The following CACNA2D4 variants were observed in gnomAD, a reference collection of about 807,000 sequenced individuals.
The protein encoded by CACNA2D4 is calcium voltage-gated channel auxiliary subunit alpha2delta 4.
Under a neutral mutation model 163.8 loss-of-function variants are expected in CACNA2D4, and 157 were observed. The ratio of observed to expected loss-of-function variants is 0.96; its 90% CI spans 0.84 to 1.09. The LOEUF (loss-of-function observed/expected upper bound fraction) is 1.09, where lower values mean the gene tolerates loss of function less well. Among genes scored for constraint, CACNA2D4 ranks in the 50% least tolerant of loss-of-function variants. CACNA2D4 has a pLI of 0.00. For missense variants in CACNA2D4, 1,410 were observed against 1,479.9 expected (o/e 0.95, Z 0.78); for synonymous variants, 598 against 586.9 (o/e 1.02, Z -0.27).
At chr12:1,908,239 G>T (rs1592749847) in intron 4 of CACNA2D4, among the ~76,000 whole-genome samples, 1 of 152,260 alleles carries the variant, frequency 6.6e-6, no homozygotes, top group Non-Finnish European at 1.5e-5. Context: ...GCGCGGAGAG[G>T]CGTGAGGCCG....
intron 18 of CACNA2D4, among the ~76,000 whole-genome samples, chr12:1,865,097 G>A (rs1865615258): frequency 6.6e-6 from 1 of 152,200 alleles, no homozygotes; most frequent in Non-Finnish European, 1.5e-5. Flanking sequence ...CCGGCAGGCA[G>A]GCCCCGTGGG....
intron 8 of CACNA2D4, 62 bp from the exon 9 acceptor site, chr12:1,886,101 C>G: frequency 6.5e-7 from 1 of 1,547,824 alleles, no homozygotes; most frequent in South Asian, 1.1e-5. Flanking sequence ...GTTGCAAAGT[C>G]CAGGCCCAGC....
chr12:1,792,425 G>A lies in CACNA2D4; in HGVS notation c.*1230C>T, dbSNP rs1863001753. 6.6e-6 allele frequency: 1 copy of A among 151,068 alleles called. No individual in the cohort carries two copies. The highest frequency in any genetic ancestry group is 1.5e-5 in the Non-Finnish European group (1 of 67,690). 9.4% of individuals were successfully genotyped at this position (151,068 alleles called of 1,614,324 possible). On this transcript the variant is annotated 3_prime_UTR_variant, in exon 38 of 38. Coordinates refer to ENST00000382722, the MANE Select transcript of CACNA2D4 (RefSeq NM_172364.5). ...AACAGCTTTGAACTTGAACTTTGAAGTGTGGAGGCTGAGGGTGATGGAGGA... is the reference window on the plus strand; with the variant it reads ...AACAGCTTTGAACTTGAACTTTGAAATGTGGAGGCTGAGGGTGATGGAGGA...
intron 18 of CACNA2D4, among the ~76,000 whole-genome samples, chr12:1,867,716 G>A (rs189317369): frequency 1.8e-3 from 271 of 147,822 alleles, no homozygotes; most frequent in Non-Finnish European, 3.3e-3. Context: ...TATAATATCC[G>A]AAATATATAA....
Position 1,907,585 on chromosome 12 carries a change from CTA to C in CACNA2D4, c.650-16_650-15del, listed in dbSNP as rs1375809185. The C allele has an allele frequency of 4.3e-6, 7 of 1,609,424 alleles. No individual in the cohort carries two copies. The highest frequency in any genetic ancestry group is 5.9e-6 in the Non-Finnish European group (7 of 1,176,888). ...AAATATCTGGGTCTGAAGGGTGAGA[CTA>C]TAGATTATGATCCTGTAGAACTTCT... is the stretch of plus-strand genomic sequence containing the variant. On this transcript the variant is annotated splice_polypyrimidine_tract_variant and intron_variant, in intron 5 of 37. Coordinates refer to ENST00000382722, the MANE Select transcript of CACNA2D4 (RefSeq NM_172364.5).
intron 6 of CACNA2D4, among the ~76,000 whole-genome samples, chr12:1,904,607 G>A (rs1246850282): frequency 6.6e-6 from 1 of 152,016 alleles, no homozygotes; most frequent in Non-Finnish European, 1.5e-5. Flanking sequence ...CAACCAAAGT[G>A]GGTAGATAAG....
chr12:1,838,667 C>G, intron 26 of CACNA2D4, among the ~76,000 whole-genome samples: 1 of 152,196 alleles, frequency 6.6e-6, no homozygotes, highest in Non-Finnish European at 1.5e-5. Context: ...CCTCTCGGCT[C>G]TAATTCAGCT....
chr12:1,855,500 A>C (rs1313096777), intron 22 of CACNA2D4, among the ~76,000 whole-genome samples: 2 of 152,200 alleles, frequency 1.3e-5, no homozygotes, highest in Non-Finnish European at 2.9e-5. Context: ...CACAGCTGCA[A>C]GACAAGGAGC....
In CACNA2D4 at chr12:1,883,109, T is replaced by G; in HGVS notation, c.1352-109A>C. ...AGATGGCTCATAGCCGAATACTCTCTGGAAACTGGACCGGGGCACAGGGAG... is the reference window on the plus strand; with the variant it reads ...AGATGGCTCATAGCCGAATACTCTCGGGAAACTGGACCGGGGCACAGGGAG... On this transcript the variant is annotated intron_variant, in intron 12 of 37. Transcript: ENST00000382722. This position sits in a 1 kb window ranked among gnomAD's most constrained non-coding sequence, Gnocchi z 4.5. The G allele has an allele frequency of 3.2e-6, 4 of 1,250,286 alleles. No individual in the cohort carries two copies. The highest frequency in any genetic ancestry group is 4.4e-6 in the Non-Finnish European group (4 of 907,370). 77.4% of individuals were successfully genotyped at this position (1,250,286 alleles called of 1,614,324 possible).
intron 32 of CACNA2D4, 119 bp from the exon 33 acceptor site, chr12:1,800,171 C>T: frequency 9.1e-7 from 1 of 1,102,030 alleles, no homozygotes; most frequent in Non-Finnish European, 1.3e-6. Flanking sequence ...ACACCCTCTT[C>T]CCTGCTTGAG....
rs1233025220 is a variant in CACNA2D4 at position 1,829,313 on chromosome 12, A to G, written c.2551+11426T>C. On this transcript the variant is annotated intron_variant, in intron 26 of 37. Coordinates refer to ENST00000382722, the MANE Select transcript of CACNA2D4 (RefSeq NM_172364.5). The surrounding 1 kb of genome is among the most constrained non-coding windows in gnomAD (Gnocchi z 4.2). ...GGATTTTATTTCCTGGGGAAAGTCA[A>G]GTCTGAAGAATGCTGATTTTCAAAT... 6.6e-6 allele frequency among the ~76,000 whole-genome samples: 1 copy of G among 152,156 alleles called. No homozygotes were observed. The highest frequency in any genetic ancestry group is 1.9e-4 in the East Asian group (1 of 5,172).
chr12:1,852,853 G>A (rs983005082), intron 23 of CACNA2D4, among the ~76,000 whole-genome samples: 4 of 152,122 alleles, frequency 2.6e-5, no homozygotes, highest in Admixed American at 2.0e-4. Context: ...CTTTCGAGGC[G>A]TATGACCTCA....
chr12:1,840,581 T>A (rs1003302348), intron 26 of CACNA2D4, among the ~76,000 whole-genome samples, 158 bp downstream of exon 26: 6 of 152,368 alleles, frequency 3.9e-5, no homozygotes, highest in African/African-American at 1.4e-4. Flanking sequence ...GTTTTACAAA[T>A]GAAATGGCTT....
At chr12:1,870,395 C>A (rs1865744220) in intron 18 of CACNA2D4, among the ~76,000 whole-genome samples, 1 of 151,872 alleles carries the variant, frequency 6.6e-6, no homozygotes, top group African/African-American at 2.4e-5. Context: ...CTGGGCTAGC[C>A]CTCCTCATTT....
chr12:1,878,242 T>C lies in CACNA2D4; in HGVS notation c.1719+73A>G. 1 of 1,520,674 alleles carries C rather than the reference T, an allele frequency of 6.6e-7. No homozygotes were observed. Among genetic ancestry groups the C allele is most frequent in the Non-Finnish European group, 9.0e-7 (1 of 1,117,158 alleles). 94.2% of individuals were successfully genotyped at this position (1,520,674 alleles called of 1,614,324 possible). A position where few individuals can be genotyped will look rare whatever the true frequency, so the allele number is the denominator to read the frequency against. Reference sequence around the variant, plus strand: ...ATGGAGCCCAATGTGTGTTTGTTGTTTTAATCGTTTTTGTGAATTACCCCC... The same window carrying C: ...ATGGAGCCCAATGTGTGTTTGTTGTCTTAATCGTTTTTGTGAATTACCCCC... On this transcript the variant is annotated intron_variant, in intron 16 of 37. Coordinates refer to ENST00000382722, the MANE Select transcript of CACNA2D4 (RefSeq NM_172364.5). This position sits in a 1 kb window ranked among gnomAD's most constrained non-coding sequence, Gnocchi z 4.6.
At chr12:1,912,583 G>A (rs559777710) in intron 3 of CACNA2D4, among the ~76,000 whole-genome samples, 1 of 20,878 alleles carries the variant, frequency 4.8e-5, no homozygotes, top group Admixed American at 3.8e-4. Context: ...AAGGAGGAGA[G>A]GGGAGGGGGG....
Position 1,869,998 on chromosome 12 carries a change from A to G in CACNA2D4, c.1878+4606T>C, listed in dbSNP as rs573194536. On this transcript the variant is annotated intron_variant, in intron 18 of 37. Transcript: ENST00000382722. This position sits in a 1 kb window ranked among gnomAD's most constrained non-coding sequence, Gnocchi z 4.7. ...GTAGTTAAATGATGGGTTGATAAGA[A>G]CTGAGCATATAGAGGCTTGAATTCA... Among the ~76,000 whole-genome samples, 1 of 152,318 alleles carries G rather than the reference A, an allele frequency of 6.6e-6. No homozygotes were observed. The highest frequency in any genetic ancestry group is 6.5e-5 in the Admixed American group (1 of 15,298).
rs1356934774 is a variant in CACNA2D4 at position 1,816,808 on chromosome 12, G to GCA, written c.2552-5087_2552-5086dup. Among the ~76,000 whole-genome samples, 4 of 151,940 alleles carry GCA rather than the reference G, an allele frequency of 2.6e-5. No individual in the cohort carries two copies. In the East Asian group the frequency reaches 7.7e-4, roughly 29 times the overall value. On this transcript the variant is annotated intron_variant, in intron 26 of 37. Transcript: ENST00000382722. ...TATGCACACACGGACACACATGCAT[G>GCA]CACACACACTTGCACACACATACCC...
intron 26 of CACNA2D4, among the ~76,000 whole-genome samples, chr12:1,812,468 G>A (rs1012962012): frequency 1.3e-5 from 2 of 152,206 alleles, no homozygotes; most frequent in Non-Finnish European, 2.9e-5. Flanking sequence ...AAAACTTGGG[G>A]CCAATGAATA....
Sources: allele counts gnomAD v4.1 joint callset (sites outside exome capture counted in the v4.1 genomes callset), GRCh38; gene constraint gnomAD v4.1.1; non-coding constraint Gnocchi (gnomAD v3.1); transcripts MANE v1.5; gene names NCBI Gene and HGNC (gene_info 2026-07-23, HGNC 2026-07-21).